Variants in WDPCP observed in about 807,000 individuals in gnomAD.
WDPCP encodes WD repeat containing planar cell polarity effector, also known as WD repeat-containing and planar cell polarity effector protein fritz homolog.
Under a neutral mutation model 93.1 loss-of-function variants are expected in WDPCP, and 71 were observed. The observed-to-expected ratio is 0.76, with a 90% CI of 0.63 to 0.93. The LOEUF (loss-of-function observed/expected upper bound fraction) is 0.93, where lower values mean the gene tolerates loss of function less well. Ranked by LOEUF, WDPCP falls within the 40% of genes least tolerant of loss-of-function variation. WDPCP has a pLI of 0.00. For synonymous variants in WDPCP, 315 were observed against 315.0 expected, an observed-to-expected ratio of 1.00 and a Z score of 0.00; for missense variants, 844 against 887.4, an observed-to-expected ratio of 0.95 and a Z score of 0.62.
At chr2:63,386,511 C>A (rs186524701) in intron 10 of WDPCP, among the ~76,000 whole-genome samples, 5 of 152,116 alleles carry the variant, frequency 3.3e-5, no homozygotes, top group African/African-American at 1.2e-4. Context: ...AACACACTTA[C>A]TAGAATGGCT....
rs189302383 is a variant in WDPCP at position 63,350,766 on chromosome 2, T to C, written c.1748+27620A>G. ...AAGCTTTGGATGTCTACTGGCAATT[T>C]GCAAGCATTTCTGTGGCACGGCAAG... On this transcript the variant is annotated intron_variant, in intron 12 of 17. Transcript: ENST00000272321. 5.1e-4 allele frequency among the ~76,000 whole-genome samples: 78 copies of C among 152,286 alleles called. 5 individuals are homozygous for C. In the East Asian group the frequency reaches 0.01, roughly 20 times the overall value.
chr2:63,723,923 G>T (rs575421649), intron 2 of WDPCP, among the ~76,000 whole-genome samples: 1 of 152,300 alleles, frequency 6.6e-6, no homozygotes, highest in South Asian at 2.1e-4. Context: ...GTACAGAGGG[G>T]CAACTCATCT....
intron 12 of WDPCP, among the ~76,000 whole-genome samples, chr2:63,364,545 C>T (rs1690742696): frequency 6.6e-6 from 1 of 152,168 alleles, no homozygotes; most frequent in Admixed American, 6.5e-5. Context: ...TGTCACCTGT[C>T]CTACCTCTTC....
chr2:63,246,117 C>A (rs1282072913), intron 14 of WDPCP, among the ~76,000 whole-genome samples: 2 of 152,066 alleles, frequency 1.3e-5, no homozygotes, highest in Non-Finnish European at 2.9e-5. Flanking sequence ...TTAAGGATAC[C>A]AATGACAGAA....
intron 12 of WDPCP, among the ~76,000 whole-genome samples, chr2:63,366,895 T>C (rs868438527): frequency 3.5e-4 from 53 of 152,194 alleles, no homozygotes; most frequent in South Asian, 2.9e-3. Flanking sequence ...TTGTGGTTAT[T>C]GAGCAAGTTA....
intron 13 of WDPCP, among the ~76,000 whole-genome samples, chr2:63,311,363 A>G (rs1686176442): frequency 6.6e-6 from 1 of 152,146 alleles, no homozygotes; most frequent in Non-Finnish European, 1.5e-5. Context: ...TGAATCTATT[A>G]AAAAAATAAA....
rs762801097 is a variant in WDPCP at position 63,404,416 on chromosome 2, C to T, written c.1067G>A (p.Cys356Tyr). Reference sequence around the variant, plus strand: ...ATAAAGAATTAGCGAAGAATCTTCACAGCCCAGAATCAGTTTGTCTTCAGT... The same window carrying T: ...ATAAAGAATTAGCGAAGAATCTTCATAGCCCAGAATCAGTTTGTCTTCAGT... Reference protein sequence around the residue: ...NVTEDKLILGCEDSSLILYET... With the variant: ...NVTEDKLILGYEDSSLILYET... The change falls in exon 10 of 18, where the codon TGT (cysteine) becomes TAT (tyrosine). Residue 356 changes from cysteine (C) to tyrosine (Y), a missense_variant. Physicochemically the swap from Cys to Tyr is radical, Grantham distance 194 (BLOSUM62 -2). Coordinates refer to ENST00000272321, the MANE Select transcript of WDPCP (RefSeq NM_015910.7). 7.4e-6 allele frequency: 12 copies of T among 1,614,090 alleles called. No homozygotes were observed. The highest frequency in any genetic ancestry group is 2.2e-5 in the South Asian group (2 of 91,090).
intron 1 of WDPCP, among the ~76,000 whole-genome samples, chr2:63,586,572 C>T (rs1558849104): frequency 1.3e-5 from 2 of 152,174 alleles, no homozygotes; most frequent in Admixed American, 6.5e-5. Flanking sequence ...ATATACCCAC[C>T]TTACCAAACA....
chr2:63,638,914 G>C (rs1465093458), intron 3 of WDPCP, among the ~76,000 whole-genome samples: 1 of 151,984 alleles, frequency 6.6e-6, no homozygotes, highest in African/African-American at 2.4e-5. Flanking sequence ...ACACAAATTA[G>C]TAATATCAAG....
intron 12 of WDPCP, among the ~76,000 whole-genome samples, chr2:63,344,037 G>A (rs11897015): frequency 2.0e-5 from 3 of 151,980 alleles, no homozygotes; most frequent in Non-Finnish European, 4.4e-5. Flanking sequence ...CCAGGGATAC[G>A]TTCTATTTTT....
At chr2:63,561,332 G>C (rs190554565) in intron 1 of WDPCP, among the ~76,000 whole-genome samples, 1 of 152,038 alleles carries the variant, frequency 6.6e-6, no homozygotes, top group Admixed American at 6.6e-5. Context: ...CAAAAAACCA[G>C]CTGGGCGTGG....
chr2:63,634,835 A>G lies in WDPCP; in HGVS notation n.488+15824T>C, dbSNP rs184571813. 3.3e-5 allele frequency among the ~76,000 whole-genome samples: 5 copies of G among 152,300 alleles called. No homozygotes were observed. In the East Asian group the frequency reaches 9.6e-4, roughly 29 times the overall value. On this transcript the variant is annotated intron_variant and non_coding_transcript_variant, in intron 3 of 4. Transcript: ENST00000467687. ...AATGTTATACCTTAAGGAACTAAAA[A>G]AGGATAAACTAAGTGCAAAGTTATC...
At chr2:63,567,735 A>G (rs562111870) in intron 1 of WDPCP, among the ~76,000 whole-genome samples, 1 of 152,032 alleles carries the variant, frequency 6.6e-6, no homozygotes, top group Non-Finnish European at 1.5e-5. Context: ...TTGAAATTCG[A>G]TATTTGTGTA....
intron 2 of WDPCP, among the ~76,000 whole-genome samples, chr2:63,705,920 G>C (rs1217718412): frequency 6.6e-6 from 1 of 152,086 alleles, no homozygotes; most frequent in Non-Finnish European, 1.5e-5. Flanking sequence ...CATTATTATT[G>C]TGTGGGAGTC....
At chr2:63,496,287 A>G (rs540712096) in intron 1 of WDPCP, among the ~76,000 whole-genome samples, 13 of 152,336 alleles carry the variant, frequency 8.5e-5, no homozygotes, top group South Asian at 4.1e-4. Context: ...GTTTAAGTCA[A>G]TTTAGTAATA....
intron 15 of WDPCP, among the ~76,000 whole-genome samples, chr2:63,173,256 G>T (rs1366013949): frequency 7.2e-6 from 1 of 138,252 alleles, no homozygotes. Flanking sequence ...CAACTAGAGC[G>T]AAACTCTGTC....
At chr2:63,641,200 T>C (rs1304144980) in intron 3 of WDPCP, among the ~76,000 whole-genome samples, 1 of 152,244 alleles carries the variant, frequency 6.6e-6, no homozygotes, top group Admixed American at 6.5e-5. Flanking sequence ...GTACCACATT[T>C]TATTTATCCA....
intron 14 of WDPCP, among the ~76,000 whole-genome samples, chr2:63,255,246 A>G (rs182136264): frequency 9.7e-4 from 148 of 152,292 alleles, no homozygotes; most frequent in African/African-American, 3.4e-3. Flanking sequence ...CACAACTTCT[A>G]CTTATCTTTA....
intron 6 of WDPCP, among the ~76,000 whole-genome samples, chr2:63,479,797 G>A (rs1369648132): frequency 6.6e-6 from 1 of 150,922 alleles, no homozygotes; most frequent in African/African-American, 2.5e-5. Flanking sequence ...ACATAGTACT[G>A]GAAGTCCCAG....
Sources: gnomAD v4.1 joint callset for allele counts (sites outside exome capture counted in the v4.1 genomes callset) on GRCh38, gnomAD v4.1.1 for gene constraint, MANE v1.5 for transcripts, NCBI Gene and HGNC (gene_info 2026-07-23, HGNC 2026-07-21) for gene names.